Variants in IMMT observed in about 807,000 individuals in gnomAD.
IMMT encodes the protein inner membrane mitochondrial protein, also known as MICOS complex subunit MIC60.
IMMT carries 40 observed loss-of-function variants against 92.7 expected under a neutral mutation model. That is an observed-to-expected ratio of 0.43 (90% CI 0.34 to 0.56). IMMT has a LOEUF of 0.56. Among genes scored for constraint, IMMT ranks in the 20% least tolerant of loss-of-function variants. IMMT has a pLI of 0.03. For synonymous variants in IMMT, 322 were observed against 336.1 expected (o/e 0.96, Z 0.46); for missense variants, 831 against 912.1 (o/e 0.91, Z 1.14).
intron 6 of IMMT, among the ~76,000 whole-genome samples, chr2:86,167,825 G>T (rs1676819928): frequency 6.6e-6 from 1 of 151,120 alleles, no homozygotes; most frequent in African/African-American, 2.4e-5. Context: ...AAAATAAAAA[G>T]TGTTTTTTTT....
chr2:86,185,231 T>C (rs79619025), intron 1 of IMMT, among the ~76,000 whole-genome samples: 1,834 of 152,116 alleles, frequency 0.012, 44 homozygotes, highest in African/African-American at 0.041. Flanking sequence ...ACTGGTTTCT[T>C]TTAGCTGAGT....
intron 12 of IMMT, among the ~76,000 whole-genome samples, chr2:86,148,286 G>C (rs895030904): frequency 1.3e-5 from 2 of 152,202 alleles, no homozygotes; most frequent in African/African-American, 4.8e-5. Context: ...TCATTTGTGA[G>C]TAATAATGCC....
In IMMT at chr2:86,195,447, G is replaced by C; in HGVS notation, c.-65C>G. The C allele has an allele frequency of 6.6e-7, 1 of 1,504,652 alleles. No homozygotes were observed. The highest frequency in any genetic ancestry group is 2.5e-5 in the East Asian group (1 of 39,684). The allele number at this position is 1,504,652 out of a possible 1,614,324, so 93.2% of individuals were successfully genotyped here. A position where few individuals can be genotyped will look rare whatever the true frequency, so the allele number is the denominator to read the frequency against. On this transcript the variant is annotated 5_prime_UTR_variant, in exon 1 of 15. Coordinates refer to ENST00000410111, the MANE Select transcript of IMMT (RefSeq NM_006839.3). ...CCGCGGCGGCGCGAGTTAAGTGGAGGCGTGCTTGCGTGTGTGCGTGCCCGC... is the reference window on the plus strand; with the variant it reads ...CCGCGGCGGCGCGAGTTAAGTGGAGCCGTGCTTGCGTGTGTGCGTGCCCGC...
intron 7 of IMMT, among the ~76,000 whole-genome samples, chr2:86,162,570 G>A (rs1402613717): frequency 6.6e-6 from 1 of 152,106 alleles, no homozygotes; most frequent in African/African-American, 2.4e-5. Context: ...TTTTGGCCGG[G>A]CGCAGTGGCT....
chr2:86,168,238 A>G (rs1676850919), intron 6 of IMMT, among the ~76,000 whole-genome samples: 1 of 152,222 alleles, frequency 6.6e-6, no homozygotes, highest in Non-Finnish European at 1.5e-5. Flanking sequence ...CGGGAATACC[A>G]AAAAGTAAAG....
chr2:86,180,758 G>A (rs1450167548), intron 2 of IMMT, among the ~76,000 whole-genome samples: 2 of 151,856 alleles, frequency 1.3e-5, no homozygotes, highest in African/African-American at 4.8e-5. Flanking sequence ...ATGGTGACAT[G>A]CACCTGTAGT....
In IMMT at chr2:86,171,296, C is replaced by T. The variant is rs186479748; in HGVS notation, c.471G>A (p.Ser157=). ...CAGGCTGAACTGCAGGGGCTGGGAC[C>T]GACAGGGTATCACCTGCTGCAGAAA... ...QIISAAGDTL[S]VPAPAVQPEE... The change falls in exon 5 of 15, where the codon TCG becomes TCA. Residue 157 remains serine (S), a synonymous_variant. Coordinates refer to ENST00000410111, the MANE Select transcript of IMMT (RefSeq NM_006839.3). 5.0e-6 allele frequency: 8 copies of T among 1,610,374 alleles called. No individual in the cohort carries two copies. Among genetic ancestry groups the T allele is most frequent in the African/African-American group, 1.3e-5 (1 of 74,814 alleles).
At chr2:86,160,628 C>CAAATAACCA (rs545764594) in intron 8 of IMMT, among the ~76,000 whole-genome samples, 1 of 151,536 alleles carries the variant, frequency 6.6e-6, no homozygotes, top group Non-Finnish European at 1.5e-5. Context: ...TTTTGAGTGA[C>CAAATAACCA]AAATAACTAT....
At chr2:86,148,009 AG>A (rs1675160036) in intron 12 of IMMT, among the ~76,000 whole-genome samples, 176 bp from the exon 13 acceptor site, 1 of 152,222 alleles carries the variant, frequency 6.6e-6, no homozygotes, top group Non-Finnish European at 1.5e-5. Context: ...AAACCCTGGA[AG>A]GTGATTCAAA....
At chr2:86,191,051 T>C (rs929716092) in intron 1 of IMMT, among the ~76,000 whole-genome samples, 3 of 151,988 alleles carry the variant, frequency 2.0e-5, no homozygotes, top group Non-Finnish European at 1.5e-5. Flanking sequence ...AACATTTTAA[T>C]TGGTGAACTA....
rs1241985908 is a variant in IMMT, at chr2:86,144,864, C to T, written c.1681G>A (p.Glu561Lys). The T allele has an allele frequency of 6.2e-7, 1 of 1,602,450 alleles. No homozygotes were observed. Among genetic ancestry groups the T allele is most frequent in the African/African-American group, 1.3e-5 (1 of 74,478 alleles). ...QAVQSHAVAEEEARKAHQLWL... is the reference protein window; with the variant it reads ...QAVQSHAVAEKEARKAHQLWL... ...AGTTGGTGGGCTTTTCTGGCTTCCT[C>T]TTCAGCAACTGCATGGCCTACAAAG... Residue 561 changes from glutamate (E) to lysine (K), a missense_variant, in exon 15 of 15, where the codon GAG becomes AAG. Glu to Lys is a moderately conservative substitution (Grantham distance 56). Coordinates refer to ENST00000410111, the MANE Select transcript of IMMT (RefSeq NM_006839.3).
At chr2:86,181,125 T>G (rs1033863450) in intron 2 of IMMT, among the ~76,000 whole-genome samples, 174 bp downstream of exon 2, 1 of 152,116 alleles carries the variant, frequency 6.6e-6, no homozygotes, top group African/African-American at 2.4e-5. Context: ...TTAACAAATT[T>G]TTACCTACAA....
At chr2:86,177,279 G>A (rs1677492476) in intron 3 of IMMT, among the ~76,000 whole-genome samples, 1 of 151,364 alleles carries the variant, frequency 6.6e-6, no homozygotes, top group Non-Finnish European at 1.5e-5. Context: ...AGCTGTGTGT[G>A]AATGAAGAAA....
At chr2:86,164,550 G>A (rs1218568335) in intron 7 of IMMT, among the ~76,000 whole-genome samples, 1 of 151,908 alleles carries the variant, frequency 6.6e-6, no homozygotes, top group African/African-American at 2.4e-5. Context: ...AATTAGCCAG[G>A]TGTGGTGGTG....
intron 6 of IMMT, among the ~76,000 whole-genome samples, chr2:86,169,266 A>G (rs1255918213): frequency 6.6e-6 from 1 of 152,244 alleles, no homozygotes; most frequent in Non-Finnish European, 1.5e-5. Context: ...GTGAAAAGTG[A>G]AGAAAAAACA....
chr2:86,170,910 A>G (rs1417957814), intron 5 of IMMT, 66 bp from the exon 6 acceptor site: 2 of 1,251,024 alleles, frequency 1.6e-6, no homozygotes, highest in Non-Finnish European at 2.3e-6. Flanking sequence ...TAACAGGGAT[A>G]TAAAAAAAGC....
chr2:86,178,615 G>T (rs1677611116), intron 3 of IMMT, among the ~76,000 whole-genome samples: 2 of 151,322 alleles, frequency 1.3e-5, no homozygotes, highest in African/African-American at 2.4e-5. Context: ...AACAGAGCAA[G>T]ACTCCGTCTT....
chr2:86,154,408 T>G (rs934842098), intron 10 of IMMT, among the ~76,000 whole-genome samples: 3 of 148,134 alleles, frequency 2.0e-5, no homozygotes, highest in African/African-American at 7.5e-5. Flanking sequence ...TGACCTCAAA[T>G]GATCTGCCTG....
At chr2:86,149,204 G>C (rs1055096265) in intron 12 of IMMT, among the ~76,000 whole-genome samples, 14 of 152,178 alleles carry the variant, frequency 9.2e-5, no homozygotes, top group African/African-American at 3.1e-4. Flanking sequence ...TGCTAACAAA[G>C]TGACATCTAG....
Sources: allele counts gnomAD v4.1 joint callset (sites outside exome capture counted in the v4.1 genomes callset), GRCh38; gene constraint gnomAD v4.1.1; transcripts MANE v1.5; gene names NCBI Gene and HGNC (gene_info 2026-07-23, HGNC 2026-07-21).